The following UNC13C variants were observed in gnomAD, a reference collection of about 807,000 sequenced individuals.
The protein encoded by UNC13C is unc-13 homolog C, also known as protein unc-13 homolog C.
UNC13C carries 174 observed loss-of-function variants against 245.4 expected under a neutral mutation model. That is an observed-to-expected ratio of 0.71 (90% CI 0.63 to 0.80). The LOEUF (loss-of-function observed/expected upper bound fraction) is 0.80, where lower values mean the gene tolerates loss of function less well. Among genes scored for constraint, UNC13C ranks in the 30% least tolerant of loss-of-function variants. The pLI is 0.00. For missense variants in UNC13C, 2,829 were observed against 2,602.9 expected (o/e 1.09, Z -1.89); for synonymous variants, 992 against 895.1 (o/e 1.11, Z -1.93).
At chr15:54,455,238 T>TATATATATATATA (rs1416569966) in intron 19 of UNC13C, among the ~76,000 whole-genome samples, 2 of 70,150 alleles carry the variant, frequency 2.9e-5, no homozygotes, top group African/African-American at 5.0e-5. Flanking sequence ...TATATATATA[T>TATATATATATATA]GTTTTTTAAT....
chr15:54,444,444 G>C (rs1273910948), intron 19 of UNC13C, among the ~76,000 whole-genome samples: 2 of 151,508 alleles, frequency 1.3e-5, no homozygotes, highest in East Asian at 3.9e-4. Context: ...TCTTTTGTAG[G>C]CATGATATAA....
intron 9 of UNC13C, among the ~76,000 whole-genome samples, chr15:54,264,768 C>G (rs1371906866): frequency 6.6e-6 from 1 of 151,780 alleles, no homozygotes; most frequent in Non-Finnish European, 1.5e-5. Context: ...ACTCCTGGCT[C>G]AACATCCCTC....
chr15:54,544,015 T>C (rs1355868248), intron 26 of UNC13C, among the ~76,000 whole-genome samples: 4 of 152,022 alleles, frequency 2.6e-5, no homozygotes, highest in Non-Finnish European at 5.9e-5. Flanking sequence ...CAGGCCAATA[T>C]CCCTGATGAA....
At chr15:54,609,704 C>T (rs538697796) in intron 30 of UNC13C, among the ~76,000 whole-genome samples, 25 of 152,242 alleles carry the variant, frequency 1.6e-4, no homozygotes, top group African/African-American at 6.0e-4. Flanking sequence ...TCTTTCTTCC[C>T]CCTAAAATTG....
chr15:54,278,948 T>C (rs1310580373), intron 10 of UNC13C, among the ~76,000 whole-genome samples: 1 of 152,166 alleles, frequency 6.6e-6, no homozygotes, highest in Non-Finnish European at 1.5e-5. Flanking sequence ...TCAAATTGGG[T>C]TGTTTTATGT....
chr15:54,276,914 T>G (rs1340515963), intron 10 of UNC13C, among the ~76,000 whole-genome samples: 1 of 152,126 alleles, frequency 6.6e-6, no homozygotes, highest in Non-Finnish European at 1.5e-5. Context: ...GGGTATAAAG[T>G]AAGCATAAAA....
chr15:54,539,468 A>C (rs1332587352), intron 26 of UNC13C, among the ~76,000 whole-genome samples: 1 of 151,840 alleles, frequency 6.6e-6, no homozygotes, highest in Non-Finnish European at 1.5e-5. Context: ...TTACAACATA[A>C]TTTTCTATAC....
At chr15:54,293,137 T>C (rs7176603) in intron 10 of UNC13C, among the ~76,000 whole-genome samples, 117,715 of 151,592 alleles carry the variant, frequency 0.78, 46,852 homozygotes, top group African/African-American at 0.94. Flanking sequence ...AAGAGTTGAT[T>C]GCAACTAAAT....
intron 14 of UNC13C, among the ~76,000 whole-genome samples, chr15:54,322,535 A>G (rs1302563273): frequency 6.6e-6 from 1 of 152,008 alleles, no homozygotes; most frequent in Non-Finnish European, 1.5e-5. Context: ...ATAGTGGCAC[A>G]TCCTCTAAGT....
At chr15:54,306,576 A>C (rs1056610072) in intron 13 of UNC13C, among the ~76,000 whole-genome samples, 2 of 151,912 alleles carry the variant, frequency 1.3e-5, no homozygotes, top group Non-Finnish European at 2.9e-5. Flanking sequence ...AGCTGAACAC[A>C]TCCGGGGAAT....
the UNC13C span, among the ~76,000 whole-genome samples, chr15:53,896,219 G>C: frequency 6.6e-6 from 1 of 151,824 alleles, no homozygotes; most frequent in Non-Finnish European, 1.5e-5. Flanking sequence ...GTTTCATTTG[G>C]TGTTTGATTT....
In UNC13C at chr15:54,324,167, C is replaced by T. The variant is rs527436589; in HGVS notation, c.4425+2072C>T. ...TATAAATTTGACTATATTTTTCTAG[C>T]TATCAAAAATAATGCCATTTGATGA... On this transcript the variant is annotated intron_variant, in intron 14 of 32. Transcript: ENST00000260323. 2.0e-5 allele frequency among the ~76,000 whole-genome samples: 3 copies of T among 152,160 alleles called. No individual in the cohort carries two copies. The East Asian group carries it at 5.8e-4, about 30-fold the overall frequency.
At chr15:53,970,778 A>G in the UNC13C span, among the ~76,000 whole-genome samples, 3 of 152,180 alleles carry the variant, frequency 2.0e-5, no homozygotes, top group African/African-American at 7.2e-5. Flanking sequence ...CCACCATGGC[A>G]CATGTTGACC....
chr15:54,031,592 G>A (rs1896361096), intron 2 of UNC13C, among the ~76,000 whole-genome samples: 1 of 152,166 alleles, frequency 6.6e-6, no homozygotes, highest in Admixed American at 6.5e-5. Context: ...AGTTATTACT[G>A]ATAGAGGGAC....
the UNC13C span, among the ~76,000 whole-genome samples, chr15:53,907,671 C>G: frequency 6.6e-6 from 1 of 152,120 alleles, no homozygotes; most frequent in Admixed American, 6.6e-5. Flanking sequence ...ATGAAAGTGT[C>G]TGGCATATAA....
At chr15:53,850,795 A>G in the UNC13C span, among the ~76,000 whole-genome samples, 1 of 151,284 alleles carries the variant, frequency 6.6e-6, no homozygotes, top group Non-Finnish European at 1.5e-5. Context: ...TCTCTCTTAT[A>G]AGGACTTCGT....
At chr15:53,867,609 T>A in the UNC13C span, among the ~76,000 whole-genome samples, 1 of 152,204 alleles carries the variant, frequency 6.6e-6, no homozygotes, top group Non-Finnish European at 1.5e-5. Flanking sequence ...GACAGAGGGA[T>A]GGGATAGGAT....
At chr15:54,447,419 G>A (rs1890879185) in intron 19 of UNC13C, among the ~76,000 whole-genome samples, 1 of 152,088 alleles carries the variant, frequency 6.6e-6, no homozygotes, top group African/African-American at 2.4e-5. Flanking sequence ...TTTTTGGTTG[G>A]TAGGCTATTA....
chr15:54,409,155 T>C (rs1054031430), intron 18 of UNC13C, among the ~76,000 whole-genome samples: 9 of 152,322 alleles, frequency 5.9e-5, no homozygotes, highest in Non-Finnish European at 1.3e-4. Flanking sequence ...TTTACTCTTA[T>C]TAAGGTGAAC....
Sources: allele counts gnomAD v4.1 joint callset (sites outside exome capture counted in the v4.1 genomes callset), GRCh38; gene constraint gnomAD v4.1.1; transcripts MANE v1.5; gene names NCBI Gene and HGNC (gene_info 2026-07-23, HGNC 2026-07-21).